The following EXOC3 variants were observed in gnomAD, a reference collection of about 807,000 sequenced individuals.
The protein encoded by EXOC3 is exocyst complex component 3.
EXOC3 carries 21 observed loss-of-function variants against 73.7 expected under a neutral mutation model. The ratio of observed to expected loss-of-function variants is 0.29; its 90% CI spans 0.20 to 0.41. The LOEUF (loss-of-function observed/expected upper bound fraction) is 0.41. Ranked by LOEUF, EXOC3 falls within the 10% of genes least tolerant of loss-of-function variation. The pLI, the probability that EXOC3 is intolerant of heterozygous loss-of-function variation, is 1.00. For synonymous variants in EXOC3, 410 were observed against 389.1 expected, an observed-to-expected ratio of 1.05 and a Z score of -0.63; for missense variants, 842 against 985.1, an observed-to-expected ratio of 0.85 and a Z score of 1.95.
At chr5:460,025 C>T (rs1311917080) in intron 7 of EXOC3, among the ~76,000 whole-genome samples, 1 of 152,254 alleles carries the variant, frequency 6.6e-6, no homozygotes, top group African/African-American at 2.4e-5. Flanking sequence ...ATTCCACTCT[C>T]TCTGCTGAAG....
At chr5:444,725 G>A (rs1471349787) in intron 1 of EXOC3, among the ~76,000 whole-genome samples, 7 of 152,050 alleles carry the variant, frequency 4.6e-5, no homozygotes, top group Non-Finnish European at 1.0e-4. Context: ...CCTGGGTGGC[G>A]GGATTTAAGG....
chr5:460,328 A>G (rs925780105), intron 7 of EXOC3, among the ~76,000 whole-genome samples: 1 of 152,000 alleles, frequency 6.6e-6, no homozygotes, highest in Non-Finnish European at 1.5e-5. Context: ...CCTCCTCCTC[A>G]GTCTACTGTC....
At position 465,860 on chromosome 5, in the gene EXOC3, T is replaced by TCTTAGAATCCTGC. The variant is rs758990409; in HGVS notation, c.2066+28_2066+40dup. On this transcript the variant is annotated intron_variant, in intron 12 of 12. Transcript: ENST00000512944. Reference sequence around the variant, plus strand: ...CCAGACATCAGGTAAGGGATGCACGTCTTAGAATCCTGCCTTAGAATCCTG... The same window carrying TCTTAGAATCCTGC: ...CCAGACATCAGGTAAGGGATGCACGTCTTAGAATCCTGCCTTAGAATCCTGCCTTAGAATCCTG... 13 of 1,602,800 alleles carry TCTTAGAATCCTGC rather than the reference T, an allele frequency of 8.1e-6. No individual in the cohort carries two copies. The highest frequency in any genetic ancestry group is 1.6e-4 in the Middle Eastern group (1 of 6,070).
rs1579737323 is a variant in EXOC3 at position 453,906 on chromosome 5, T to C, written c.901T>C (p.Phe301Leu). 2 of 1,613,866 alleles carry C rather than the reference T, an allele frequency of 1.2e-6. No homozygotes were observed. The highest frequency in any genetic ancestry group is 1.7e-6 in the Non-Finnish European group (2 of 1,179,892). ...IVAKNLMVQC[F>L]PPHYEIFKNL... Reference sequence around the variant, plus strand: ...CGCCAAAAACCTGATGGTTCAGTGCTTTCCTCCCCACTATGAGATCTTTAA... The same window carrying C: ...CGCCAAAAACCTGATGGTTCAGTGCCTTCCTCCCCACTATGAGATCTTTAA... Residue 301 changes from phenylalanine (F) to leucine (L), a missense_variant, in exon 4 of 13, where the codon TTT (phenylalanine) becomes CTT (leucine). Physicochemically the swap from Phe to Leu is conservative, Grantham distance 22. Coordinates refer to ENST00000512944, the MANE Select transcript of EXOC3 (RefSeq NM_007277.5).
intron 3 of EXOC3, among the ~76,000 whole-genome samples, chr5:449,377 C>CA (rs1737593565): frequency 6.6e-6 from 1 of 152,166 alleles, no homozygotes; most frequent in Non-Finnish European, 1.5e-5. Context: ...TGTTGTGCAA[C>CA]CATTGCCACA....
intron 12 of EXOC3, chr5:466,423 A>G (rs1020025802): frequency 5.5e-6 from 2 of 364,084 alleles, no homozygotes; most frequent in Admixed American, 4.2e-5. Context: ...CCGTCCCATC[A>G]TCTCGCTGGT....
At chr5:451,134 C>CA (rs1158111497) in intron 3 of EXOC3, among the ~76,000 whole-genome samples, 4 of 147,318 alleles carry the variant, frequency 2.7e-5, no homozygotes, top group Non-Finnish European at 6.2e-5. Context: ...CTTATTTCTG[C>CA]ATTTTTTTTG....
intron 2 of EXOC3, chr5:446,998 TTTTAACTCACA>T: frequency 6.5e-6 from 1 of 154,516 alleles, no homozygotes; most frequent in East Asian, 1.9e-4. Flanking sequence ...GTTCAGATTG[TTTTAACTCACA>T]TTTGACAGAG....
At chr5:457,852 C>G in intron 5 of EXOC3, 48 bp from the exon 6 acceptor site, 1 of 1,573,894 alleles carries the variant, frequency 6.4e-7, no homozygotes, top group Non-Finnish European at 8.6e-7. Flanking sequence ...GACCCTCAGG[C>G]ACCTGCTCTT....
chr5:450,432 C>T lies in EXOC3; in HGVS notation c.364+2680C>T, dbSNP rs1737630403. On this transcript the variant is annotated intron_variant, in intron 3 of 12. Transcript: ENST00000512944. ...TGTATGATATTTATCTTTTAAAAAC[C>T]TGAGTCTTAATTTGAGGCCTAATCC... 2.0e-5 allele frequency among the ~76,000 whole-genome samples: 3 copies of T among 152,056 alleles called. No homozygotes were observed. In the South Asian group the frequency reaches 6.2e-4, roughly 32 times the overall value.
chr5:453,396 G>C lies in EXOC3; in HGVS notation c.391G>C (p.Asp131His). The C allele has an allele frequency of 1.3e-6, 2 of 1,591,202 alleles. No individual in the cohort carries two copies. Among genetic ancestry groups the C allele is most frequent in the Non-Finnish European group, 1.7e-6 (2 of 1,168,758 alleles). ...GCCTGAGATTGTGAGGGAGACCCAGGACCTAATTGAACAAGGGGCACTCCT... is the reference window on the plus strand; with the variant it reads ...GCCTGAGATTGTGAGGGAGACCCAGCACCTAATTGAACAAGGGGCACTCCT... Reference protein sequence around the residue: ...SVPEIVRETQDLIEQGALLQA... With the variant: ...SVPEIVRETQHLIEQGALLQA... The change falls in exon 4 of 13, where the codon GAC (aspartate) becomes CAC (histidine). Residue 131 changes from aspartate to histidine, a missense_variant. Physicochemically the swap from Asp to His is moderately conservative, Grantham distance 81 (BLOSUM62 -1). Transcript: ENST00000512944.
At chr5:448,864 C>T (rs1303302802) in intron 3 of EXOC3, among the ~76,000 whole-genome samples, 1 of 152,192 alleles carries the variant, frequency 6.6e-6, no homozygotes, top group African/African-American at 2.4e-5. Flanking sequence ...GGCTGCAGTC[C>T]GTGTCTCTTT....
intron 1 of EXOC3, chr5:445,154 C>T (rs1737468540): frequency 6.6e-6 from 1 of 152,174 alleles, no homozygotes. Flanking sequence ...GACTGATGCT[C>T]ACCAAGCAGC....
chr5:450,041 T>C (rs1303967650), intron 3 of EXOC3, among the ~76,000 whole-genome samples: 2 of 151,874 alleles, frequency 1.3e-5, no homozygotes, highest in Non-Finnish European at 2.9e-5. Flanking sequence ...AGGTCAGGAG[T>C]TTGAGACCAG....
chr5:456,799 C>T (rs996009408), intron 4 of EXOC3, 90 bp from the exon 5 acceptor site: 31 of 970,950 alleles, frequency 3.2e-5, no homozygotes, highest in African/African-American at 1.8e-4. Flanking sequence ...GGTGGACATT[C>T]ATGTGTCAAG....
intron 4 of EXOC3, among the ~76,000 whole-genome samples, chr5:454,582 A>G (rs1737749707): frequency 6.6e-6 from 1 of 152,222 alleles, no homozygotes; most frequent in Non-Finnish European, 1.5e-5. Context: ...TAGTTCGAGG[A>G]AACTCCATCA....
intron 7 of EXOC3, among the ~76,000 whole-genome samples, chr5:460,354 T>G (rs1229799862): frequency 6.6e-6 from 1 of 152,216 alleles, no homozygotes; most frequent in African/African-American, 2.4e-5. Context: ...CCGAGCCAGA[T>G]GCTGGCTCTG....
At chr5:457,487 C>T (rs533017675) in intron 5 of EXOC3, 31 of 229,264 alleles carry the variant, frequency 1.4e-4, no homozygotes, top group Non-Finnish European at 6.1e-5. Flanking sequence ...CCGAGGTGTC[C>T]TCAGGAGCTG....
At chr5:446,505 T>C (rs911747826) in intron 2 of EXOC3, among the ~76,000 whole-genome samples, 156 bp downstream of exon 2, 3 of 152,204 alleles carry the variant, frequency 2.0e-5, no homozygotes, top group African/African-American at 7.2e-5. Context: ...GTATTACCAC[T>C]CAGTAGCTTT....
Sources: allele counts gnomAD v4.1 joint callset (sites outside exome capture counted in the v4.1 genomes callset), GRCh38; gene constraint gnomAD v4.1.1; transcripts MANE v1.5; gene names NCBI Gene and HGNC (gene_info 2026-07-23, HGNC 2026-07-21).